Variants in UXS1 observed in about 807,000 individuals in gnomAD.
UXS1 encodes UDP-glucuronic acid decarboxylase 1.
In UXS1, 33 loss-of-function variants were observed where a neutral mutation model predicts 62.6. The ratio of observed to expected loss-of-function variants is 0.53; its 90% confidence interval spans 0.40 to 0.70. The LOEUF is 0.70. Among genes scored for constraint, UXS1 ranks in the 30% least tolerant of loss-of-function variants. The pLI, the probability that UXS1 is intolerant of heterozygous loss-of-function variation, is 0.00. For synonymous variants in UXS1, 213 were observed against 206.8 expected, an observed-to-expected ratio of 1.03 and a Z score of -0.26; for missense variants, 434 against 556.3, an observed-to-expected ratio of 0.78 and a Z score of 2.21.
chr2:106,124,892 C>T (rs1679801877), intron 8 of UXS1, among the ~76,000 whole-genome samples: 1 of 151,754 alleles, frequency 6.6e-6, no homozygotes, highest in South Asian at 2.1e-4. Context: ...CTGATTTTAC[C>T]CTCTTACTTC....
chr2:106,098,659 T>C (rs922501606), intron 13 of UXS1, 57 bp downstream of exon 13: 1 of 1,452,974 alleles, frequency 6.9e-7, no homozygotes, highest in Admixed American at 1.9e-5. Context: ...CAAGGTGTTA[T>C]TAACAGATAG....
chr2:106,163,479 A>G (rs1013340528), intron 4 of UXS1, among the ~76,000 whole-genome samples, 188 bp downstream of exon 4: 1 of 152,244 alleles, frequency 6.6e-6, no homozygotes, highest in African/African-American at 2.4e-5. Context: ...TTGAAGAAGG[A>G]AGATCTTAAC....
intron 1 of UXS1, chr2:106,183,469 T>C (rs2105112898): frequency 6.6e-6 from 1 of 152,384 alleles, no homozygotes; most frequent in South Asian, 2.1e-4. Flanking sequence ...CGTTTTCTGC[T>C]GTTGCTTTAC....
intron 4 of UXS1, among the ~76,000 whole-genome samples, 164 bp downstream of exon 4, chr2:106,163,503 T>G (rs947550278): frequency 6.6e-6 from 1 of 152,250 alleles, no homozygotes; most frequent in Non-Finnish European, 1.5e-5. Flanking sequence ...TCTAGATTGA[T>G]TCTTCTCCCC....
chr2:106,145,137 G>A, intron 6 of UXS1, 53 bp downstream of exon 6: 1 of 1,570,048 alleles, frequency 6.4e-7, no homozygotes, highest in South Asian at 1.2e-5. Flanking sequence ...CCGCAGCTCT[G>A]GCAAGGCCAC....
At chr2:106,140,822 G>A (rs906065950) in intron 6 of UXS1, among the ~76,000 whole-genome samples, 6 of 152,070 alleles carry the variant, frequency 3.9e-5, no homozygotes, top group South Asian at 2.1e-4. Flanking sequence ...ACAAGTTCCC[G>A]GTACTGGTCT....
rs778058015 is a variant in UXS1 at position 106,104,760 on chromosome 2, C to A, written c.923+34G>T. ...TTGGCATGACCCCTGCTCCAAAGCA[C>A]TGCTAAGGCTGGGGCAGGGCAGGAC... On this transcript the variant is annotated intron_variant, in intron 11 of 14. Transcript: ENST00000283148. The A allele has an allele frequency of 1.9e-6, 3 of 1,613,910 alleles. No homozygotes were observed. In the East Asian group the frequency reaches 6.7e-5, roughly 36 times the overall value.
intron 1 of UXS1, among the ~76,000 whole-genome samples, chr2:106,174,073 G>C (rs1683723799): frequency 6.6e-6 from 1 of 151,182 alleles, no homozygotes; most frequent in Non-Finnish European, 1.5e-5. Context: ...AGGAGATTCT[G>C]GTGGAGGAAG....
At chr2:106,104,530 C>G (rs1156892851) in intron 11 of UXS1, among the ~76,000 whole-genome samples, 1 of 152,186 alleles carries the variant, frequency 6.6e-6, no homozygotes, top group Non-Finnish European at 1.5e-5. Flanking sequence ...ACCCTCAGAG[C>G]TGGGCAACTT....
At chr2:106,155,121 GT>G (rs1438750029) in intron 5 of UXS1, among the ~76,000 whole-genome samples, 1 of 152,118 alleles carries the variant, frequency 6.6e-6, no homozygotes. Flanking sequence ...TGATGGATCT[GT>G]CCCCATGACC....
At chr2:106,177,470 A>G (rs908590897) in intron 1 of UXS1, among the ~76,000 whole-genome samples, 15 of 152,234 alleles carry the variant, frequency 9.9e-5, no homozygotes, top group African/African-American at 3.6e-4. Flanking sequence ...TGATGGGATT[A>G]TAGGCGTGAG....
chr2:106,187,924 T>C (rs180762730), intron 1 of UXS1, among the ~76,000 whole-genome samples: 1 of 152,056 alleles, frequency 6.6e-6, no homozygotes, highest in Non-Finnish European at 1.5e-5. Flanking sequence ...GTATTTTTAC[T>C]AGAGACGGGG....
chr2:106,165,966 A>G lies in UXS1; in HGVS notation c.122+90T>C, dbSNP rs559925759. ...ACTTTTGTTTTAAAAATATTTTTCA[A>G]TTAACCCATGACATCCATGGTATAT... On this transcript the variant is annotated intron_variant, in intron 2 of 14. Coordinates refer to ENST00000283148, the MANE Select transcript of UXS1 (RefSeq NM_001253875.2). 2.1e-4 allele frequency: 268 copies of G among 1,269,546 alleles called. No homozygotes were observed. In the African/African-American group the frequency reaches 2.1e-3, roughly 10 times the overall value. 78.6% of individuals were successfully genotyped at this position (1,269,546 alleles called of 1,614,324 possible). A position where few individuals can be genotyped will look rare whatever the true frequency, so the allele number is the denominator to read the frequency against.
Position 106,194,301 on chromosome 2 carries a change from C to T in UXS1, c.-60G>A, listed in dbSNP as rs1459033135. ...GCGGGGGCCCGCCTGCTGCACAATG[C>T]GCGGCGGCGGCGGCGGCAGCGGCCC... On this transcript the variant is annotated 5_prime_UTR_variant, in exon 1 of 15. Transcript: ENST00000283148. The T allele has an allele frequency of 2.0e-6, 2 of 993,632 alleles. No homozygotes were observed. The highest frequency in any genetic ancestry group is 2.5e-6 in the Non-Finnish European group (2 of 802,644). 61.6% of individuals were successfully genotyped at this position (993,632 alleles called of 1,614,324 possible).
chr2:106,151,439 C>G (rs888521942), intron 5 of UXS1, among the ~76,000 whole-genome samples: 1 of 152,080 alleles, frequency 6.6e-6, no homozygotes, highest in African/African-American at 2.4e-5. Flanking sequence ...GTCATTATTG[C>G]GGCAGTGGGT....
chr2:106,179,786 A>G (rs942514394), intron 1 of UXS1, among the ~76,000 whole-genome samples: 2 of 152,184 alleles, frequency 1.3e-5, no homozygotes, highest in East Asian at 3.9e-4. Flanking sequence ...GCAACCATAG[A>G]TTCATGAGGT....
At chr2:106,123,142 A>T in intron 8 of UXS1, 51 bp from the exon 9 acceptor site, 1 of 1,608,826 alleles carries the variant, frequency 6.2e-7, no homozygotes, top group Non-Finnish European at 8.5e-7. Context: ...TTTCCAGTTC[A>T]TATCAATAAT....
At chr2:106,158,156 A>G (rs1163177230) in intron 4 of UXS1, 38 bp from the exon 5 acceptor site, 2 of 1,484,250 alleles carry the variant, frequency 1.3e-6, no homozygotes, top group Admixed American at 4.0e-5. Context: ...AAAAAGTCAA[A>G]CATCTCATTT....
At chr2:106,096,645 G>T in intron 14 of UXS1, 73 bp downstream of exon 14, 1 of 1,387,942 alleles carries the variant, frequency 7.2e-7, no homozygotes, top group Middle Eastern at 1.9e-4. Flanking sequence ...ACAAGGGTCA[G>T]TGCCTACAGG....
Sources: allele counts gnomAD v4.1 joint callset (sites outside exome capture counted in the v4.1 genomes callset), GRCh38; gene constraint gnomAD v4.1.1; transcripts MANE v1.5; gene names NCBI Gene and HGNC (gene_info 2026-07-23, HGNC 2026-07-21).